Variants in STAB2 observed in about 807,000 individuals in gnomAD.
STAB2 encodes the protein stabilin-2.
A neutral mutation model predicts 338.1 loss-of-function variants in STAB2; 288 were observed. The observed-to-expected ratio is 0.85, with a 90% CI of 0.77 to 0.94. STAB2 has a LOEUF of 0.94. Ranked by LOEUF, STAB2 falls within the 40% of genes least tolerant of loss-of-function variation. The pLI is 0.00. For missense variants in STAB2, 3,141 were observed against 3,210.1 expected (o/e 0.98, Z 0.52); for synonymous variants, 1,202 against 1,193.3 (o/e 1.01, Z -0.15).
rs565508875 is a variant in STAB2, at chr12:103,669,356, T to A, written c.2173-185T>A. 5.4e-5 allele frequency: 32 copies of A among 592,232 alleles called. No homozygotes were observed. The Middle Eastern group carries it at 1.3e-3, about 25-fold the overall frequency. The allele number at this position is 592,232 out of a possible 1,614,324, so 36.7% of individuals were successfully genotyped here. On this transcript the variant is annotated intron_variant, in intron 20 of 68. Coordinates refer to ENST00000388887, the MANE Select transcript of STAB2 (RefSeq NM_017564.10). ...CCAGTCCAGCACCCAGGGGAGGGGCTCAGTAGAGTTGTGGTGACCAGATGA... is the reference window on the plus strand; with the variant it reads ...CCAGTCCAGCACCCAGGGGAGGGGCACAGTAGAGTTGTGGTGACCAGATGA...
chr12:103,589,557 T>C (rs2138520709), intron 1 of STAB2, among the ~76,000 whole-genome samples: 1 of 152,310 alleles, frequency 6.6e-6, no homozygotes, highest in South Asian at 2.1e-4. Flanking sequence ...GCACAGCATA[T>C]TTCTAAGAGT....
chr12:103,650,909 G>A (rs1873692418), intron 11 of STAB2, among the ~76,000 whole-genome samples: 1 of 152,084 alleles, frequency 6.6e-6, no homozygotes, highest in African/African-American at 2.4e-5. Context: ...ATATATCCAG[G>A]TGATAAAGAA....
intron 3 of STAB2, among the ~76,000 whole-genome samples, chr12:103,597,481 A>C (rs1956894524): frequency 6.6e-6 from 1 of 152,230 alleles, no homozygotes; most frequent in South Asian, 2.1e-4. Flanking sequence ...GTCAACGCTG[A>C]AAACTTGGAG....
intron 3 of STAB2, among the ~76,000 whole-genome samples, chr12:103,606,439 C>T (rs1461772932): frequency 1.3e-5 from 2 of 152,040 alleles, no homozygotes; most frequent in African/African-American, 4.8e-5. Context: ...CGATGTCCAG[C>T]ATTCTTCATT....
intron 5 of STAB2, among the ~76,000 whole-genome samples, chr12:103,625,701 TG>T (rs1459672771): frequency 6.6e-6 from 1 of 152,252 alleles, no homozygotes; most frequent in Non-Finnish European, 1.5e-5. Flanking sequence ...ATCATTTTTA[TG>T]GCTGCATAGT....
At chr12:103,614,440 A>C (rs972037135) in intron 3 of STAB2, among the ~76,000 whole-genome samples, 2 of 152,210 alleles carry the variant, frequency 1.3e-5, no homozygotes, top group Non-Finnish European at 2.9e-5. Flanking sequence ...TAGCCACTGG[A>C]GGCTATACCT....
At chr12:103,707,480 A>G (rs1293550633) in intron 38 of STAB2, among the ~76,000 whole-genome samples, 1 of 152,210 alleles carries the variant, frequency 6.6e-6, no homozygotes, top group Non-Finnish European at 1.5e-5. Context: ...AACTGAATGT[A>G]CACCTTTCTT....
At chr12:103,692,926 T>G in intron 31 of STAB2, 37 bp downstream of exon 31, 11 of 1,563,656 alleles carry the variant, frequency 7.0e-6, no homozygotes, top group Non-Finnish European at 8.8e-6. Flanking sequence ...GCAGCATCTC[T>G]TTTCCCTTTG....
At chr12:103,744,884 C>T (rs1196057397) in intron 56 of STAB2, among the ~76,000 whole-genome samples, 2 of 152,170 alleles carry the variant, frequency 1.3e-5, no homozygotes, top group Non-Finnish European at 2.9e-5. Context: ...TAACATTCAT[C>T]TCACTTATAA....
At chr12:103,684,721 C>G (rs1877237515) in intron 26 of STAB2, among the ~76,000 whole-genome samples, 1 of 152,224 alleles carries the variant, frequency 6.6e-6, no homozygotes. Context: ...ACTCATTTAT[C>G]TGAAACTCTC....
At chr12:103,724,432 G>C (rs1301659158) in intron 44 of STAB2, among the ~76,000 whole-genome samples, 1 of 152,180 alleles carries the variant, frequency 6.6e-6, no homozygotes, top group Non-Finnish European at 1.5e-5. Context: ...CAGGTGATGC[G>C]TGTGTAGAGG....
chr12:103,681,828 G>C (rs1418886919), intron 25 of STAB2, among the ~76,000 whole-genome samples: 1 of 151,686 alleles, frequency 6.6e-6, no homozygotes, highest in South Asian at 2.1e-4. Context: ...CTCTGCATTG[G>C]CAGGATGGTC....
At position 103,684,918 on chromosome 12, in the gene STAB2, C is replaced by T. The variant is rs1018836972; in HGVS notation, c.2902-71C>T. On this transcript the variant is annotated intron_variant, in intron 26 of 68. Coordinates refer to ENST00000388887, the MANE Select transcript of STAB2 (RefSeq NM_017564.10). ...AGTTATCACCTTAGATGGAGCCTGT[C>T]GTCTCATAGATGTAACTCAGGTCTA... 8.2e-6 allele frequency: 12 copies of T among 1,457,714 alleles called. 1 individual carries two copies. Among genetic ancestry groups the T allele is most frequent in the Admixed American group, 5.1e-5 (3 of 58,592 alleles). The allele number at this position is 1,457,714 out of a possible 1,614,324, so 90.3% of individuals were successfully genotyped here. A position where few individuals can be genotyped will look rare whatever the true frequency, so the allele number is the denominator to read the frequency against.
chr12:103,700,316 T>C (rs1277389284), intron 34 of STAB2, among the ~76,000 whole-genome samples: 1 of 152,246 alleles, frequency 6.6e-6, no homozygotes, highest in Non-Finnish European at 1.5e-5. Context: ...CTAAACACTA[T>C]ATTGAAATGA....
chr12:103,757,327 GCT>G (rs944348370), intron 63 of STAB2, among the ~76,000 whole-genome samples: 3 of 152,182 alleles, frequency 2.0e-5, no homozygotes, highest in African/African-American at 7.2e-5. Context: ...TGCTCAAGCT[GCT>G]CTCTCACCTC....
intron 45 of STAB2, 120 bp from the exon 46 acceptor site, chr12:103,725,996 A>C (rs1881170828): frequency 9.9e-7 from 1 of 1,014,432 alleles, no homozygotes; most frequent in South Asian, 1.5e-5. Flanking sequence ...GAAGCTCCAA[A>C]AAGGCCCGGT....
intron 27 of STAB2, among the ~76,000 whole-genome samples, chr12:103,685,844 A>G (rs1877382178): frequency 6.6e-6 from 1 of 152,088 alleles, no homozygotes; most frequent in Non-Finnish European, 1.5e-5. Context: ...TACCATCTTT[A>G]CCATTTCTAT....
At chr12:103,652,232 C>T (rs1247019019) in intron 11 of STAB2, among the ~76,000 whole-genome samples, 1 of 152,242 alleles carries the variant, frequency 6.6e-6, no homozygotes, top group Non-Finnish European at 1.5e-5. Flanking sequence ...GTTCCTTGTT[C>T]CTCCTGGGGC....
chr12:103,652,053 G>C (rs1463136904), intron 11 of STAB2, among the ~76,000 whole-genome samples: 3 of 152,210 alleles, frequency 2.0e-5, no homozygotes, highest in African/African-American at 7.2e-5. Flanking sequence ...ATAAGCATCT[G>C]TTCAGTGTTG....
Sources: gnomAD v4.1 joint callset for allele counts (sites outside exome capture counted in the v4.1 genomes callset) on GRCh38, gnomAD v4.1.1 for gene constraint, MANE v1.5 for transcripts, NCBI Gene and HGNC (gene_info 2026-07-23, HGNC 2026-07-21) for gene names.